SNX4: variants seen among roughly 807,000 people sequenced by gnomAD.
The protein encoded by SNX4 is sorting nexin-4.
A neutral mutation model predicts 70.8 loss-of-function variants in SNX4; 49 were observed. The observed-to-expected ratio is 0.69, with a 90% CI of 0.55 to 0.88. The LOEUF (loss-of-function observed/expected upper bound fraction) is 0.88. Among genes scored for constraint, SNX4 ranks in the 40% least tolerant of loss-of-function variants. SNX4 has a pLI of 0.00. For missense variants in SNX4, 528 were observed against 544.8 expected (o/e 0.97, Z 0.31); for synonymous variants, 206 against 183.8 (o/e 1.12, Z -0.98).
chr3:125,460,860 C>A lies in SNX4; in HGVS notation c.855G>T (p.Val285=). ...AAATATCATCAATAGAAGATGCATA[C>A]CTGTTTTAAAAAAAAAAACACACAT... ...GLQSAGHHMD[V]YASSIDDILE... Residue 285 remains valine (V), a splice_region_variant and synonymous_variant, in exon 10 of 14, where the codon GTG becomes GTT. Transcript: ENST00000251775. 1 of 1,427,080 alleles carries A rather than the reference C, an allele frequency of 7.0e-7. No homozygotes were observed. The highest frequency in any genetic ancestry group is 9.6e-7 in the Non-Finnish European group (1 of 1,044,254). The allele number at this position is 1,427,080 out of a possible 1,614,324, so 88.4% of individuals were successfully genotyped here.
intron 6 of SNX4, among the ~76,000 whole-genome samples, chr3:125,481,646 G>C (rs1310495020): frequency 1.3e-5 from 2 of 151,946 alleles, no homozygotes; most frequent in African/African-American, 4.8e-5. Context: ...CTCCATGTTG[G>C]TCAGGCTGGT....
intron 1 of SNX4, among the ~76,000 whole-genome samples, chr3:125,512,971 G>C (rs1020542375): frequency 6.6e-6 from 1 of 152,178 alleles, no homozygotes; most frequent in Non-Finnish European, 1.5e-5. Context: ...GTTTCGCCAT[G>C]ATGGCCAGGC....
At chr3:125,518,584 T>TC (rs1935328191) in intron 1 of SNX4, among the ~76,000 whole-genome samples, 1 of 152,242 alleles carries the variant, frequency 6.6e-6, no homozygotes, top group Admixed American at 6.5e-5. Flanking sequence ...AACTTAAAAG[T>TC]CTTTCAGGCC....
rs183969529 is a variant in SNX4 at position 125,476,856 on chromosome 3, T to G, written c.727-100A>C. On this transcript the variant is annotated intron_variant, in intron 7 of 13. Coordinates refer to ENST00000251775, the MANE Select transcript of SNX4 (RefSeq NM_003794.4). ...AAAAAACATGCTTACTACAATAAACTTGGAAATAGAAAAAAGAAAAATAGT... is the reference window on the plus strand; with the variant it reads ...AAAAAACATGCTTACTACAATAAACGTGGAAATAGAAAAAAGAAAAATAGT... 9.6e-4 allele frequency: 625 copies of G among 651,076 alleles called. 1 individual carries two copies. Among genetic ancestry groups the G allele is most frequent in the African/African-American group, 4.9e-3 (257 of 52,280 alleles). The allele number at this position is 651,076 out of a possible 1,614,324, so 40.3% of individuals were successfully genotyped here. A position where few individuals can be genotyped will look rare whatever the true frequency, so the allele number is the denominator to read the frequency against.
chr3:125,497,599 A>C (rs111920441), intron 4 of SNX4, among the ~76,000 whole-genome samples: 2 of 152,340 alleles, frequency 1.3e-5, no homozygotes, highest in African/African-American at 4.8e-5. Flanking sequence ...TGGGCTTCAA[A>C]ATACTGAAGA....
At chr3:125,470,115 T>C (rs1049152509) in intron 8 of SNX4, among the ~76,000 whole-genome samples, 6 of 152,198 alleles carry the variant, frequency 3.9e-5, no homozygotes, top group African/African-American at 1.4e-4. Context: ...GGAAGTTATA[T>C]ATGCTTATTA....
intron 12 of SNX4, among the ~76,000 whole-genome samples, chr3:125,453,279 C>T (rs988707040): frequency 2.0e-5 from 3 of 152,004 alleles, no homozygotes; most frequent in East Asian, 1.9e-4. Flanking sequence ...AATTAAATGC[C>T]GTGATAGCCT....
chr3:125,497,834 C>T lies in SNX4; in HGVS notation c.549G>A (p.Gln183=). 1.3e-6 allele frequency: 2 copies of T among 1,574,632 alleles called. No homozygotes were observed. Among genetic ancestry groups the T allele is most frequent in the Non-Finnish European group, 1.7e-6 (2 of 1,165,424 alleles). Residue 183 remains glutamine (Q), a splice_region_variant and synonymous_variant, in exon 4 of 14, where the codon CAG becomes CAA. Coordinates refer to ENST00000251775, the MANE Select transcript of SNX4 (RefSeq NM_003794.4). ...CTAAGACTAAATAAAAGAAAAATAC[C>T]TGTGTTAAAAACAGATAGAAGATTT... ...RDKIFYLFLT[Q]EGNWKETVNE...
intron 11 of SNX4, among the ~76,000 whole-genome samples, chr3:125,455,184 C>T (rs1359688032): frequency 1.3e-5 from 2 of 152,154 alleles, no homozygotes; most frequent in African/African-American, 4.8e-5. Flanking sequence ...GGGTTTACGC[C>T]TCTGCTGCTA....
chr3:125,504,460 GGCAACAGAA>G (rs1239737382), intron 2 of SNX4, among the ~76,000 whole-genome samples, 154 bp downstream of exon 2: 1 of 151,646 alleles, frequency 6.6e-6, no homozygotes, highest in Non-Finnish European at 1.5e-5. Flanking sequence ...CTCCAGCCCA[GGCAACAGAA>G]TGAGACCCTG....
At chr3:125,495,430 C>G (rs1934773460) in intron 5 of SNX4, among the ~76,000 whole-genome samples, 1 of 151,268 alleles carries the variant, frequency 6.6e-6, no homozygotes, top group Non-Finnish European at 1.5e-5. Context: ...ATAAGGAATA[C>G]AGAGAGACAC....
chr3:125,495,273 T>C (rs566882217), intron 5 of SNX4, among the ~76,000 whole-genome samples: 4,375 of 72,268 alleles, frequency 0.061, 512 homozygotes, highest in African/African-American at 0.17. Flanking sequence ...TATATATATA[T>C]ATATACACAT....
At chr3:125,486,421 C>T (rs1367614936) in intron 6 of SNX4, among the ~76,000 whole-genome samples, 1 of 151,840 alleles carries the variant, frequency 6.6e-6, no homozygotes, top group East Asian at 1.9e-4. Flanking sequence ...TTCTACTATG[C>T]AATGTAGCAC....
At chr3:125,460,450 A>C (rs7621446) in intron 10 of SNX4, among the ~76,000 whole-genome samples, 5,747 of 152,308 alleles carry the variant, frequency 0.038, 243 homozygotes, top group African/African-American at 0.092. Context: ...AATATACAAC[A>C]TAGTAACAGA....
intron 13 of SNX4, among the ~76,000 whole-genome samples, chr3:125,450,775 T>C (rs1232034940): frequency 2.0e-5 from 3 of 152,242 alleles, no homozygotes; most frequent in Non-Finnish European, 4.4e-5. Context: ...AAGCATATCA[T>C]AACCAGGTCT....
intron 13 of SNX4, 29 bp from the exon 14 acceptor site, chr3:125,447,855 G>A: frequency 6.7e-7 from 1 of 1,489,776 alleles, no homozygotes. Flanking sequence ...ACTTTAAAAT[G>A]TGAGTTTGGA....
Position 125,447,490 on chromosome 3 carries a change from C to T in SNX4, c.*289G>A, listed in dbSNP as rs1933451897. 8.0e-6 allele frequency: 2 copies of T among 250,312 alleles called. No individual in the cohort carries two copies. The highest frequency in any genetic ancestry group is 1.5e-5 in the Non-Finnish European group (2 of 133,764). 15.5% of individuals were successfully genotyped at this position (250,312 alleles called of 1,614,324 possible). A position where few individuals can be genotyped will look rare whatever the true frequency, so the allele number is the denominator to read the frequency against. On this transcript the variant is annotated 3_prime_UTR_variant, in exon 14 of 14. Coordinates refer to ENST00000251775, the MANE Select transcript of SNX4 (RefSeq NM_003794.4). ...ATCTAGAAATTAACGAACATCTTGA[C>T]ATTCAGTCATTGGTTCAGAAGCGTG...
intron 2 of SNX4, 50 bp downstream of exon 2, chr3:125,504,573 T>C (rs776328823): frequency 1.9e-6 from 3 of 1,554,792 alleles, no homozygotes; most frequent in South Asian, 2.4e-5. Flanking sequence ...TCAATAGCTA[T>C]CAGAAAAAGC....
chr3:125,486,247 T>C (rs992715906), intron 6 of SNX4, among the ~76,000 whole-genome samples: 10 of 152,222 alleles, frequency 6.6e-5, no homozygotes, highest in Non-Finnish European at 1.0e-4. Flanking sequence ...AACAAAATGA[T>C]ATAACCTGAT....
Sources: allele counts gnomAD v4.1 joint callset (sites outside exome capture counted in the v4.1 genomes callset), GRCh38; gene constraint gnomAD v4.1.1; transcripts MANE v1.5; gene names NCBI Gene and HGNC (gene_info 2026-07-23, HGNC 2026-07-21).